Variants in CCL26 observed in about 807,000 individuals in gnomAD.
The protein encoded by CCL26 is C-C motif chemokine 26.
CCL26 carries 10 observed loss-of-function variants against 10.7 expected under a neutral mutation model. The observed-to-expected ratio is 0.93, with a 90% CI of 0.57 to 1.58. The LOEUF (loss-of-function observed/expected upper bound fraction) is 1.58. CCL26 is among the 40% of genes most tolerant of loss of function. The pLI is 0.00. For missense variants in CCL26, 116 were observed against 111.0 expected (o/e 1.05, Z -0.20); for synonymous variants, 43 against 41.4 (o/e 1.04, Z -0.15).
chr7:75,788,051 G>A (rs1480533121), intron 1 of CCL26, among the ~76,000 whole-genome samples: 1 of 151,880 alleles, frequency 6.6e-6, no homozygotes, highest in Non-Finnish European at 1.5e-5. Context: ...TCTCGAAGCA[G>A]CCCTGAGAAA....
At position 75,771,892 on chromosome 7, in the gene CCL26, A is replaced by C. The variant is rs782392140; in HGVS notation, c.185T>G (p.Val62Gly). ...AGTACGTCCGAGAAATACTCACATC[A>C]CAGCCCGCTGGGAGCAGCTGTTACT... Reference protein sequence around the residue: ...FTSNSCSQRAVIFTTKRGKKV... With the variant: ...FTSNSCSQRAGIFTTKRGKKV... The change falls in exon 2 of 3, where the codon GTG becomes GGG. Residue 62 changes from valine (V) to glycine (G), a missense_variant. Val to Gly is a moderately radical substitution (Grantham distance 109, BLOSUM62 -3). Coordinates refer to ENST00000005180, the MANE Select transcript of CCL26 (RefSeq NM_001371938.1). 2 of 1,609,362 alleles carry C rather than the reference A, an allele frequency of 1.2e-6. No homozygotes were observed. Among genetic ancestry groups the C allele is most frequent in the South Asian group, 2.2e-5 (2 of 90,986 alleles).
Position 75,769,673 on chromosome 7 carries a change from C to G in CCL26, c.*20G>C, listed in dbSNP as rs369473686. ...GCCAAGAGCGGGGTCCAAGCGTCCT[C>G]GGATGAAAATTCAGCTGAGTCACAA... is the stretch of plus-strand genomic sequence containing the variant. On this transcript the variant is annotated 3_prime_UTR_variant, in exon 3 of 3. Transcript: ENST00000005180. 4 of 1,543,058 alleles carry G rather than the reference C, an allele frequency of 2.6e-6. No individual in the cohort carries two copies. Among genetic ancestry groups the G allele is most frequent in the Non-Finnish European group, 3.6e-6 (4 of 1,115,486 alleles).
At chr7:75,770,301 C>G (rs1296829876) in intron 2 of CCL26, among the ~76,000 whole-genome samples, 1 of 152,146 alleles carries the variant, frequency 6.6e-6, no homozygotes, top group African/African-American at 2.4e-5. Context: ...AACTCCTGAC[C>G]TCAGGTGATC....
At chr7:75,779,338 C>T (rs1239985572) in intron 1 of CCL26, among the ~76,000 whole-genome samples, 1 of 152,186 alleles carries the variant, frequency 6.6e-6, no homozygotes, top group Non-Finnish European at 1.5e-5. Context: ...ATCGGGGGAC[C>T]TCCCTTGGGA....
rs573096682 is a variant in CCL26 at position 75,770,676 on chromosome 7, C to T, written c.189-887G>A. 1.3e-4 allele frequency among the ~76,000 whole-genome samples: 19 copies of T among 151,346 alleles called. No homozygotes were observed. The East Asian group carries it at 3.0e-3, about 24-fold the overall frequency. ...GATTACAGGCGTGAGCCACCACGCC[C>T]GGCCTATTTTATTTTTTTTGAAACA... On this transcript the variant is annotated intron_variant, in intron 2 of 2. Coordinates refer to ENST00000005180, the MANE Select transcript of CCL26 (RefSeq NM_001371938.1).
intron 1 of CCL26, among the ~76,000 whole-genome samples, chr7:75,782,011 GT>G: frequency 6.6e-6 from 1 of 152,284 alleles, no homozygotes; most frequent in East Asian, 1.9e-4. Flanking sequence ...ACTCCATGAA[GT>G]GATCCACCTA....
intron 1 of CCL26, among the ~76,000 whole-genome samples, chr7:75,778,290 T>A (rs549669556): frequency 6.6e-6 from 1 of 152,024 alleles, no homozygotes. Flanking sequence ...GGCACGATCA[T>A]AGCTCACTGC....
chr7:75,779,461 T>C (rs1488419140), intron 1 of CCL26, among the ~76,000 whole-genome samples: 1 of 152,202 alleles, frequency 6.6e-6, no homozygotes, highest in African/African-American at 2.4e-5. Flanking sequence ...ATTGGGTAAG[T>C]GGCCTCTCTT....
chr7:75,786,859 T>G (rs917086211), intron 1 of CCL26, among the ~76,000 whole-genome samples: 1 of 152,206 alleles, frequency 6.6e-6, no homozygotes, highest in Non-Finnish European at 1.5e-5. Flanking sequence ...ACCTCTTCCA[T>G]GTAGGTTACA....
At chr7:75,791,022 T>A, upstream of CCL26, among the ~76,000 whole-genome samples, 1 of 151,548 alleles carries the variant, frequency 6.6e-6, no homozygotes, top group East Asian at 1.9e-4. Flanking sequence ...CCTTTTTTTT[T>A]TTTTTTTCTT....
chr7:75,789,646 A>C, intron 1 of CCL26: 1 of 123,096 alleles, frequency 8.1e-6, no homozygotes. Flanking sequence ...CCCCACCACC[A>C]AACAAGGCCC....
At position 75,782,441 on chromosome 7, in the gene CCL26, G is replaced by A. The variant is rs1201920852; in HGVS notation, c.-79+7276C>T. ...CCTGGTTTGGCTGCTCACCCACATTGCAGCCCAGGGCTGCTCCCCACCCCC... is the reference window on the plus strand; with the variant it reads ...CCTGGTTTGGCTGCTCACCCACATTACAGCCCAGGGCTGCTCCCCACCCCC... On this transcript the variant is annotated intron_variant, in intron 1 of 3. Coordinates refer to the CCL26 transcript ENST00000394905. Among the ~76,000 whole-genome samples, 3 of 151,966 alleles carry A rather than the reference G, an allele frequency of 2.0e-5. No individual in the cohort carries two copies. In the South Asian group the frequency reaches 6.2e-4, roughly 32 times the overall value.
At chr7:75,787,437 G>A (rs1317229388) in intron 1 of CCL26, among the ~76,000 whole-genome samples, 1 of 151,956 alleles carries the variant, frequency 6.6e-6, no homozygotes, top group Admixed American at 6.6e-5. Flanking sequence ...AAGGTCAGAA[G>A]ATCAAGATCA....
At chr7:75,778,694 T>G (rs914914246) in intron 1 of CCL26, among the ~76,000 whole-genome samples, 4 of 150,866 alleles carry the variant, frequency 2.7e-5, no homozygotes, top group Non-Finnish European at 5.9e-5. Context: ...TGGCTCAATC[T>G]CAGCTCACTG....
intron 1 of CCL26, among the ~76,000 whole-genome samples, chr7:75,788,870 C>A (rs1248559780): frequency 1.3e-5 from 2 of 152,030 alleles, no homozygotes; most frequent in South Asian, 4.2e-4. Flanking sequence ...CCTTTTAACC[C>A]TTGTGGAAAT....
At chr7:75,789,488 T>C (rs547371058) in intron 1 of CCL26, among the ~76,000 whole-genome samples, 6 of 150,150 alleles carry the variant, frequency 4.0e-5, no homozygotes, top group African/African-American at 1.5e-4. Context: ...GCCAGAATGT[T>C]TCTCATTTCA....
chr7:75,777,208 C>T (rs1211429503), upstream of CCL26, among the ~76,000 whole-genome samples: 1 of 151,968 alleles, frequency 6.6e-6, no homozygotes, highest in South Asian at 2.1e-4. Context: ...CTCCAGCCTG[C>T]GCAGCAAGAG....
rs533114625 is a variant in CCL26 at position 75,781,909 on chromosome 7, T to C, written c.-79+7808A>G. Among the ~76,000 whole-genome samples, 6 of 152,284 alleles carry C rather than the reference T, an allele frequency of 3.9e-5. No individual in the cohort carries two copies. In the South Asian group the frequency reaches 1.2e-3, roughly 32 times the overall value. ...TGTTGCTCACACAAAGCCTGTTTGG[T>C]GGTCTCTTCACATGGACACGTGAGA... On this transcript the variant is annotated intron_variant, in intron 1 of 3. Coordinates refer to the CCL26 transcript ENST00000394905.
At chr7:75,771,406 T>A (rs1189755286) in intron 2 of CCL26, among the ~76,000 whole-genome samples, 3 of 152,182 alleles carry the variant, frequency 2.0e-5, no homozygotes, top group Admixed American at 6.6e-5. Context: ...CCTGAGCTCT[T>A]ACTTCACTGT....
Sources: gnomAD v4.1 joint callset for allele counts (sites outside exome capture counted in the v4.1 genomes callset) on GRCh38, gnomAD v4.1.1 for gene constraint, MANE v1.5 for transcripts, NCBI Gene and HGNC (gene_info 2026-07-23, HGNC 2026-07-21) for gene names.